REDIC1: variants seen among roughly 807,000 people sequenced by gnomAD.
REDIC1 encodes the protein HEI10 Interacting Protein 1.
At chr12:39,698,371 A>T in the REDIC1 span, among the ~76,000 whole-genome samples, 1 of 152,040 alleles carries the variant, frequency 6.6e-6, no homozygotes, top group Admixed American at 6.6e-5. Context: ...TGAAAGAGGA[A>T]GAGACACACT....
chr12:39,872,050 A>C, the REDIC1 span: 1 of 1,174,338 alleles, frequency 8.5e-7, no homozygotes, highest in Non-Finnish European at 1.1e-6. Context: ...TCAATTTGAA[A>C]AAAATATAAG....
At chr12:39,729,696 T>A in the REDIC1 span, among the ~76,000 whole-genome samples, 4 of 152,218 alleles carry the variant, frequency 2.6e-5, no homozygotes, top group Admixed American at 1.3e-4. Flanking sequence ...AGAGCTGAGT[T>A]CAAGTCTTTA....
the REDIC1 span, among the ~76,000 whole-genome samples, chr12:39,713,926 A>G: frequency 6.8e-6 from 1 of 146,536 alleles, no homozygotes; most frequent in Non-Finnish European, 1.5e-5. Context: ...TGTATATATT[A>G]AATTATGTGC....
At chr12:39,765,354 T>A in the REDIC1 span, among the ~76,000 whole-genome samples, 2 of 152,028 alleles carry the variant, frequency 1.3e-5, no homozygotes, top group Non-Finnish European at 2.9e-5. Flanking sequence ...AATAGCCCTC[T>A]CCCTTTCTGC....
chr12:39,648,309 A>G, the REDIC1 span, among the ~76,000 whole-genome samples: 1 of 152,052 alleles, frequency 6.6e-6, no homozygotes, highest in Admixed American at 6.6e-5. Context: ...TGGTGATGTC[A>G]TGATGACCCA....
chr12:39,804,016 T>G, the REDIC1 span, among the ~76,000 whole-genome samples: 1 of 152,004 alleles, frequency 6.6e-6, no homozygotes, highest in Non-Finnish European at 1.5e-5. Flanking sequence ...AAGAAATGTC[T>G]GAATTCATTA....
the REDIC1 span, among the ~76,000 whole-genome samples, chr12:39,808,388 A>G: frequency 1.3e-5 from 2 of 152,006 alleles, no homozygotes; most frequent in African/African-American, 4.8e-5. Flanking sequence ...TTTGTCCATT[A>G]TGAATAAGGC....
the REDIC1 span, among the ~76,000 whole-genome samples, chr12:39,801,736 C>G: frequency 6.6e-6 from 1 of 152,168 alleles, no homozygotes; most frequent in Non-Finnish European, 1.5e-5. Flanking sequence ...GTTTCCTCAT[C>G]TATAAAAGGA....
the REDIC1 span, among the ~76,000 whole-genome samples, chr12:39,752,932 G>A: frequency 6.6e-6 from 1 of 152,206 alleles, no homozygotes; most frequent in Admixed American, 6.5e-5. Flanking sequence ...CTGCAGAGTT[G>A]TTGAAAATGG....
At chr12:39,667,486 A>C in the REDIC1 span, among the ~76,000 whole-genome samples, 1 of 152,310 alleles carries the variant, frequency 6.6e-6, no homozygotes, top group East Asian at 1.9e-4. Flanking sequence ...TTTACTTCCA[A>C]CTATGTGGTC....
At chr12:39,896,533 T>C in the REDIC1 span, among the ~76,000 whole-genome samples, 13 of 141,372 alleles carry the variant, frequency 9.2e-5, no homozygotes, top group Admixed American at 2.2e-4. Context: ...TGTATACATG[T>C]ATGTATGTAT....
chr12:39,644,666 G>A, the REDIC1 span, among the ~76,000 whole-genome samples: 2 of 151,720 alleles, frequency 1.3e-5, no homozygotes, highest in South Asian at 4.2e-4. Flanking sequence ...TTATACTTTA[G>A]AAAGAATAAA....
chr12:39,896,349 T>C, the REDIC1 span, among the ~76,000 whole-genome samples: 7 of 130,950 alleles, frequency 5.3e-5, no homozygotes, highest in African/African-American at 1.2e-4. Context: ...TACATATATG[T>C]ATGTATATGT....
At chr12:39,711,900 T>C in the REDIC1 span, among the ~76,000 whole-genome samples, 1 of 134,426 alleles carries the variant, frequency 7.4e-6, no homozygotes, top group Non-Finnish European at 1.6e-5. Context: ...TGTATACACG[T>C]ATACACATGT....
At chr12:39,703,568 G>A in the REDIC1 span, among the ~76,000 whole-genome samples, 1 of 151,938 alleles carries the variant, frequency 6.6e-6, no homozygotes, top group Admixed American at 6.6e-5. Flanking sequence ...TTTCTTCACA[G>A]AATTGGAAAA....
the REDIC1 span, chr12:39,907,596 A>C: frequency 1.3e-5 from 2 of 152,234 alleles, no homozygotes; most frequent in East Asian, 3.9e-4. Context: ...ACGATGATCT[A>C]ATTTTGAGTG....
At chr12:39,706,109 C>T in the REDIC1 span, among the ~76,000 whole-genome samples, 1 of 151,986 alleles carries the variant, frequency 6.6e-6, no homozygotes, top group East Asian at 1.9e-4. Context: ...TTGATAAAAT[C>T]AAAAAAGTTG....
At chr12:39,644,447 CTTAA>C in the REDIC1 span, among the ~76,000 whole-genome samples, 8 of 151,768 alleles carry the variant, frequency 5.3e-5, no homozygotes, top group South Asian at 6.2e-4. Context: ...AAATAAAAAG[CTTAA>C]TTAGAGTATA....
the REDIC1 span, among the ~76,000 whole-genome samples, chr12:39,795,509 G>T: frequency 6.6e-6 from 1 of 152,100 alleles, no homozygotes; most frequent in Non-Finnish European, 1.5e-5. Flanking sequence ...TGATGACTGG[G>T]TGTTTCACTG....
Sources: allele counts gnomAD v4.1 joint callset (sites outside exome capture counted in the v4.1 genomes callset), GRCh38; gene constraint gnomAD v4.1.1; transcripts MANE v1.5; gene names NCBI Gene and HGNC (gene_info 2026-07-23, HGNC 2026-07-21).